EP300: variants seen among roughly 807,000 people sequenced by gnomAD.
EP300 encodes histone acetyltransferase p300.
In EP300, 31 loss-of-function variants were observed where a neutral mutation model predicts 264.0. The observed-to-expected ratio is 0.12, with a 90% confidence interval of 0.09 to 0.16. The LOEUF (loss-of-function observed/expected upper bound fraction) is 0.16, where lower values mean the gene tolerates loss of function less well. EP300 is among the 10% of genes least tolerant of loss of function. The pLI is 1.00. For synonymous variants in EP300, 1,340 were observed against 1,045.4 expected, an observed-to-expected ratio of 1.28 and a Z score of -5.44; for missense variants, 2,766 against 3,052.9, an observed-to-expected ratio of 0.91 and a Z score of 2.21.
At position 41,093,069 on chromosome 22, in the gene EP300, C is replaced by T. The variant is rs755558514; in HGVS notation, c.65C>T (p.Ala22Val). ...AAGCGGCCTAAACTCTCATCTCCGG[C>T]CCTCTCGGCGTCCGCCAGCGATGGC... The part of the protein sequence containing the change: ...SAKRPKLSSP[A>V]LSASASDGTD... Residue 22 changes from alanine to valine, a missense_variant, in exon 1 of 31, where the codon GCC (alanine) becomes GTC (valine). By Grantham distance (64) the Ala-to-Val change is moderately conservative. Coordinates refer to ENST00000263253, the MANE Select transcript of EP300 (RefSeq NM_001429.4). 2.7e-5 allele frequency: 44 copies of T among 1,614,034 alleles called. No individual in the cohort carries two copies. The highest frequency in any genetic ancestry group is 3.6e-5 in the Non-Finnish European group (42 of 1,180,038).
At chr22:41,104,374 C>G (rs1422590235) in intron 1 of EP300, among the ~76,000 whole-genome samples, 1 of 151,954 alleles carries the variant, frequency 6.6e-6, no homozygotes, top group Non-Finnish European at 1.5e-5. Context: ...ACTGCAACCT[C>G]TGCCTCCCCG....
At chr22:41,129,661 GT>G (rs1406285863) in intron 4 of EP300, among the ~76,000 whole-genome samples, 2 of 152,172 alleles carry the variant, frequency 1.3e-5, no homozygotes, top group African/African-American at 4.8e-5. Flanking sequence ...ACTGCTTGAG[GT>G]TGAATCTCAC....
intron 10 of EP300, among the ~76,000 whole-genome samples, chr22:41,142,218 A>T (rs1211122505): frequency 6.6e-6 from 1 of 152,158 alleles, no homozygotes; most frequent in Non-Finnish European, 1.5e-5. Flanking sequence ...TGAGTTAGGA[A>T]ATGCTAATGA....
At chr22:41,134,276 T>C (rs2058937511) in intron 6 of EP300, among the ~76,000 whole-genome samples, 1 of 151,942 alleles carries the variant, frequency 6.6e-6, no homozygotes, top group African/African-American at 2.4e-5. Flanking sequence ...AGATAAATTA[T>C]GGATAACTAG....
At chr22:41,105,058 G>T (rs972909996) in intron 1 of EP300, among the ~76,000 whole-genome samples, 41 of 151,618 alleles carry the variant, frequency 2.7e-4, no homozygotes, top group African/African-American at 9.7e-4. Flanking sequence ...TTAGCCGGGC[G>T]TAGTGGCGGG....
chr22:41,163,937 T>C, intron 21 of EP300, 116 bp from the exon 22 acceptor site: 1 of 958,636 alleles, frequency 1.0e-6, no homozygotes, highest in Admixed American at 1.8e-5. Context: ...ATTAAAACTA[T>C]TTTCAGTTCT....
chr22:41,104,822 C>T (rs1461240919), intron 1 of EP300, among the ~76,000 whole-genome samples: 5 of 150,592 alleles, frequency 3.3e-5, no homozygotes, highest in Non-Finnish European at 7.4e-5. Flanking sequence ...GAATTCAAGA[C>T]CAGCCTGGCC....
intron 7 of EP300, among the ~76,000 whole-genome samples, chr22:41,137,094 C>T (rs987552564): frequency 6.6e-5 from 10 of 151,844 alleles, no homozygotes; most frequent in Admixed American, 6.6e-4. Flanking sequence ...CTCAGTGGCT[C>T]ACGCCTGTAA....
At chr22:41,167,628 A>G (rs2059145751) in intron 23 of EP300, among the ~76,000 whole-genome samples, 2 of 66,910 alleles carry the variant, frequency 3.0e-5, no homozygotes, top group Non-Finnish European at 6.0e-5. Flanking sequence ...ATATATATAT[A>G]TATATATAAT....
intron 10 of EP300, among the ~76,000 whole-genome samples, chr22:41,142,793 G>C (rs1043655764): frequency 6.6e-6 from 1 of 152,152 alleles, no homozygotes; most frequent in Non-Finnish European, 1.5e-5. Flanking sequence ...GGCTGAGGCA[G>C]GAGAACAGTG....
chr22:41,107,710 T>C (rs1324885986), intron 1 of EP300, among the ~76,000 whole-genome samples: 1 of 152,176 alleles, frequency 6.6e-6, no homozygotes, highest in Non-Finnish European at 1.5e-5. Context: ...GATTATTTTT[T>C]ATTTATTTAT....
chr22:41,177,428 C>T lies in EP300; in HGVS notation c.5717C>T (p.Thr1906Ile), dbSNP rs749435586. 19 of 1,614,054 alleles carry T rather than the reference C, an allele frequency of 1.2e-5. No individual in the cohort carries two copies. Among genetic ancestry groups the T allele is most frequent in the Non-Finnish European group, 1.6e-5 (19 of 1,180,052 alleles). ...VSQGKAAGQV[T>I]PPTPPQTAQP... ...CAGGGTAAGGCAGCAGGCCAGGTGA[C>T]CCCTCCAACCCCTCCTCAGACTGCT... The change falls in exon 31 of 31, where the codon ACC becomes ATC. Residue 1906 changes from threonine (T) to isoleucine (I), a missense_variant. Physicochemically the swap from Thr to Ile is moderately conservative, Grantham distance 89 (BLOSUM62 -1). Coordinates refer to ENST00000263253, the MANE Select transcript of EP300 (RefSeq NM_001429.4).
At chr22:41,166,688 A>G in intron 23 of EP300, 22 bp downstream of exon 23, 1 of 1,581,860 alleles carries the variant, frequency 6.3e-7, no homozygotes, top group South Asian at 1.1e-5. Flanking sequence ...TCTTAAAGGT[A>G]AATTTTGGCA....
intron 2 of EP300, among the ~76,000 whole-genome samples, chr22:41,125,112 C>CTTTTTT (rs930135062): frequency 2.9e-4 from 23 of 80,360 alleles, no homozygotes; most frequent in African/African-American, 4.0e-4. Context: ...CTTTTCTTTC[C>CTTTTTT]TTTTTTTTTT....
At chr22:41,130,957 A>G (rs908585637) in intron 5 of EP300, among the ~76,000 whole-genome samples, 9 of 152,208 alleles carry the variant, frequency 5.9e-5, no homozygotes, top group Non-Finnish European at 1.0e-4. Flanking sequence ...TTTTATAACA[A>G]GAATTGGGAA....
At chr22:41,134,074 C>T (rs1456922978) in intron 6 of EP300, among the ~76,000 whole-genome samples, 1 of 151,972 alleles carries the variant, frequency 6.6e-6, no homozygotes, top group African/African-American at 2.4e-5. Context: ...CTCATTGTAC[C>T]AGACCATTTC....
intron 23 of EP300, chr22:41,168,147 T>A (rs1434997325): frequency 7.6e-6 from 3 of 395,768 alleles, no homozygotes; most frequent in African/African-American, 2.1e-5. Flanking sequence ...TATAAACTCT[T>A]CCAAAATTGG....
intron 16 of EP300, among the ~76,000 whole-genome samples, chr22:41,152,665 G>T (rs1435330740): frequency 6.6e-6 from 1 of 152,092 alleles, no homozygotes; most frequent in Admixed American, 6.6e-5. Flanking sequence ...CTAAAATGCA[G>T]GAAAGAATAG....
At chr22:41,125,735 T>A (rs1223063407) in intron 2 of EP300, 129 bp from the exon 3 acceptor site, 2 of 1,011,508 alleles carry the variant, frequency 2.0e-6, no homozygotes, top group Non-Finnish European at 2.9e-6. Context: ...AGCTGTAGTG[T>A]CTTTTCTAAT....
Sources: allele counts gnomAD v4.1 joint callset (sites outside exome capture counted in the v4.1 genomes callset), GRCh38; gene constraint gnomAD v4.1.1; transcripts MANE v1.5; gene names NCBI Gene and HGNC (gene_info 2026-07-23, HGNC 2026-07-21).